The following MINAR2 variants were observed in gnomAD, a reference collection of about 807,000 sequenced individuals.
The protein encoded by MINAR2 is membrane integral NOTCH2 associated receptor 2.
A neutral mutation model predicts 16.1 loss-of-function variants in MINAR2; 21 were observed. That is an observed-to-expected ratio of 1.31 (90% CI 0.93 to 1.88). The LOEUF is 1.88. Among genes scored for constraint, MINAR2 ranks in the 40% most tolerant of loss-of-function variants. MINAR2 has a pLI of 0.00. For synonymous variants in MINAR2, 86 were observed against 83.0 expected (o/e 1.04, Z -0.20); for missense variants, 259 against 229.8 (o/e 1.13, Z -0.82).
At chr5:129,759,336 G>C (rs116398593) in intron 1 of MINAR2, among the ~76,000 whole-genome samples, 50 of 152,038 alleles carry the variant, frequency 3.3e-4, no homozygotes, top group Non-Finnish European at 3.7e-4. Flanking sequence ...TAACTTATAT[G>C]AAATCCCTCT....
chr5:129,763,777 A>G (rs1197081077), intron 2 of MINAR2, among the ~76,000 whole-genome samples: 2 of 152,224 alleles, frequency 1.3e-5, no homozygotes, highest in Admixed American at 6.5e-5. Context: ...CTCGCTTTCT[A>G]TTAATACATG....
In MINAR2 at chr5:129,765,002, T is replaced by C; in HGVS notation, c.512T>C (p.Ile171Thr). The change falls in exon 3 of 3, where the codon ATT (isoleucine) becomes ACT (threonine). Residue 171 changes from isoleucine to threonine, a missense_variant. By Grantham distance (89) the Ile-to-Thr change is moderately conservative. Transcript: ENST00000564719. ...TCAAAATTCTGTCGTATGGGTCTGATTTTACTTGTCGTTATCTCCATCTTG... is the reference window on the plus strand; with the variant it reads ...TCAAAATTCTGTCGTATGGGTCTGACTTTACTTGTCGTTATCTCCATCTTG... ...KHSKFCRMGL[I>T]LLVVISILVT... The C allele has an allele frequency of 7.3e-7, 1 of 1,366,152 alleles. No homozygotes were observed. The highest frequency in any genetic ancestry group is 9.4e-7 in the Non-Finnish European group (1 of 1,059,132). 84.6% of individuals were successfully genotyped at this position (1,366,152 alleles called of 1,614,324 possible).
rs149613699 is a variant in MINAR2 at position 129,761,838 on chromosome 5, C to T, written c.393+1233C>T. The stretch of plus-strand genomic sequence containing the variant: ...GGAGGTGAATGTTCCTGTCCCTACC[C>T]TCAAAAAGTTGATCTAACTGAGCAA... On this transcript the variant is annotated intron_variant, in intron 2 of 2. Transcript: ENST00000564719. 3.9e-5 allele frequency among the ~76,000 whole-genome samples: 6 copies of T among 152,232 alleles called. No individual in the cohort carries two copies. The East Asian group carries it at 1.2e-3, about 29-fold the overall frequency.
chr5:129,759,913 G>A lies in MINAR2; in HGVS notation c.166-465G>A, dbSNP rs188127120. ...CAAAGCTGTCTGAAATGGGAGACATGATAGTATTTGTGAAAGTCGAGGCAT... is the reference window on the plus strand; with the variant it reads ...CAAAGCTGTCTGAAATGGGAGACATAATAGTATTTGTGAAAGTCGAGGCAT... On this transcript the variant is annotated intron_variant, in intron 1 of 2. Transcript: ENST00000564719. 1.5e-3 allele frequency among the ~76,000 whole-genome samples: 231 copies of A among 152,240 alleles called. 1 individual carries two copies. Among genetic ancestry groups the A allele is most frequent in the Admixed American group, 3.0e-3 (46 of 15,268 alleles).
chr5:129,763,866 T>C (rs1758171560), intron 2 of MINAR2, among the ~76,000 whole-genome samples: 1 of 152,134 alleles, frequency 6.6e-6, no homozygotes, highest in Non-Finnish European at 1.5e-5. Flanking sequence ...AAAGAAAACT[T>C]GCTGTGCCAC....
chr5:129,758,984 G>A (rs1167523946), intron 1 of MINAR2, among the ~76,000 whole-genome samples: 1 of 145,172 alleles, frequency 6.9e-6, no homozygotes, highest in East Asian at 2.2e-4. Context: ...CTCTAAGTAT[G>A]TGAAAAATGC....
At chr5:129,753,935 T>C (rs1432019026) in intron 1 of MINAR2, among the ~76,000 whole-genome samples, 2 of 152,316 alleles carry the variant, frequency 1.3e-5, no homozygotes, top group South Asian at 2.1e-4. Context: ...TTGCAGGTGC[T>C]TATATTATCT....
chr5:129,751,000 A>G (rs1360302385), intron 1 of MINAR2, among the ~76,000 whole-genome samples: 2 of 152,224 alleles, frequency 1.3e-5, no homozygotes, highest in African/African-American at 4.8e-5. Context: ...ATGGCAAAGC[A>G]CTTAACCTGC....
chr5:129,752,665 A>G (rs997564965), intron 1 of MINAR2, among the ~76,000 whole-genome samples: 1 of 152,082 alleles, frequency 6.6e-6, no homozygotes, highest in Non-Finnish European at 1.5e-5. Flanking sequence ...GGTGCAGCAA[A>G]CCACCTTGGC....
At chr5:129,758,137 G>A (rs1392782614) in intron 1 of MINAR2, among the ~76,000 whole-genome samples, 1 of 151,892 alleles carries the variant, frequency 6.6e-6, no homozygotes, top group Non-Finnish European at 1.5e-5. Context: ...GCTTTGAAGT[G>A]TTACCTTTTT....
In MINAR2 at chr5:129,766,660, ACAAACAAAC is replaced by A. The variant is rs1758224147; in HGVS notation, c.*1598_*1606del. On this transcript the variant is annotated 3_prime_UTR_variant, in exon 3 of 3. Coordinates refer to ENST00000564719, the MANE Select transcript of MINAR2 (RefSeq NM_001257308.2). ...AAAAAAAAAAAAAAAAAAAAAACAA[ACAAACAAAC>A]AAAAAAAACCCCAAAAAAAGAGACA... The A allele has an allele frequency of 2.8e-5, 4 of 140,630 alleles. No homozygotes were observed. Among genetic ancestry groups the A allele is most frequent in the African/African-American group, 1.1e-4 (4 of 35,324 alleles). 8.7% of individuals were successfully genotyped at this position (140,630 alleles called of 1,614,324 possible).
intron 1 of MINAR2, among the ~76,000 whole-genome samples, chr5:129,756,652 T>C (rs988678985): frequency 6.6e-6 from 1 of 152,090 alleles, no homozygotes; most frequent in African/African-American, 2.4e-5. Context: ...TCTTAATGAT[T>C]ATTTTGCATG....
At chr5:129,753,924 T>G (rs1476448317) in intron 1 of MINAR2, among the ~76,000 whole-genome samples, 1 of 152,188 alleles carries the variant, frequency 6.6e-6, no homozygotes, top group Non-Finnish European at 1.5e-5. Context: ...AATGTGGTAC[T>G]TTGCAGGTGC....
chr5:129,757,445 T>C (rs1246257543), intron 1 of MINAR2, among the ~76,000 whole-genome samples: 1 of 152,054 alleles, frequency 6.6e-6, no homozygotes, highest in African/African-American at 2.4e-5. Context: ...ATTTCTGTTG[T>C]AAATATTTTA....
intron 1 of MINAR2, among the ~76,000 whole-genome samples, chr5:129,756,234 TA>T (rs1758052171): frequency 6.6e-6 from 1 of 152,108 alleles, no homozygotes; most frequent in Non-Finnish European, 1.5e-5. Flanking sequence ...TTTCAGTATA[TA>T]TTTTTAAAAT....
intron 2 of MINAR2, 86 bp downstream of exon 2, chr5:129,760,691 G>T: frequency 9.7e-7 from 1 of 1,035,206 alleles, no homozygotes; most frequent in Non-Finnish European, 1.4e-6. Context: ...GAAGTGACAG[G>T]TACTCTTCAC....
chr5:129,754,576 G>A (rs895007534), intron 1 of MINAR2, among the ~76,000 whole-genome samples: 3 of 152,004 alleles, frequency 2.0e-5, no homozygotes, highest in African/African-American at 7.2e-5. Flanking sequence ...TATGGCCTTC[G>A]ATAATATCTT....
intron 2 of MINAR2, among the ~76,000 whole-genome samples, chr5:129,761,905 C>T (rs1310217114): frequency 6.6e-6 from 1 of 151,766 alleles, no homozygotes; most frequent in African/African-American, 2.4e-5. Context: ...AGGAAGCTAA[C>T]GGTAATAGTA....
intron 1 of MINAR2, among the ~76,000 whole-genome samples, chr5:129,748,598 T>C (rs1469487451): frequency 6.6e-6 from 1 of 152,162 alleles, no homozygotes; most frequent in Non-Finnish European, 1.5e-5. Context: ...CCTATCCTCA[T>C]TTTAGATTTC....
Sources: allele counts gnomAD v4.1 joint callset (sites outside exome capture counted in the v4.1 genomes callset), GRCh38; gene constraint gnomAD v4.1.1; transcripts MANE v1.5; gene names NCBI Gene and HGNC (gene_info 2026-07-23, HGNC 2026-07-21).